Variants in DNAH14 observed in about 807,000 individuals in gnomAD.
DNAH14 encodes axonemal beta dynein heavy chain 14.
In DNAH14, 478 loss-of-function variants were observed where a neutral mutation model predicts 520.9. That is an observed-to-expected ratio of 0.92 (90% confidence interval 0.85 to 0.99). DNAH14 has a LOEUF of 0.99. DNAH14 is among the 50% of genes least tolerant of loss of function. DNAH14 has a pLI of 0.00. For synonymous variants in DNAH14, 1,581 were observed against 1,757.2 expected (o/e 0.90, Z 2.51); for missense variants, 4,831 against 5,234.5 (o/e 0.92, Z 2.38).
intron 10 of DNAH14, among the ~76,000 whole-genome samples, chr1:225,019,290 A>G (rs962341954): frequency 3.9e-5 from 6 of 152,220 alleles, no homozygotes; most frequent in Non-Finnish European, 8.8e-5. Context: ...ATCAGCTAAA[A>G]CAGACCTTAA....
intron 19 of DNAH14, among the ~76,000 whole-genome samples, chr1:225,081,971 AT>A (rs2073171612): frequency 6.6e-6 from 1 of 152,184 alleles, no homozygotes; most frequent in South Asian, 2.1e-4. Context: ...ATTTACCAAA[AT>A]TTAAAAAACC....
intron 8 of DNAH14, among the ~76,000 whole-genome samples, chr1:224,986,009 C>T (rs1322934568): frequency 6.6e-6 from 1 of 151,910 alleles, no homozygotes; most frequent in Non-Finnish European, 1.5e-5. Context: ...TAACAGAGAA[C>T]TTCCCAAACC....
intron 66 of DNAH14, among the ~76,000 whole-genome samples, chr1:225,335,934 TATATAC>T (rs1269437960): frequency 8.2e-6 from 1 of 121,436 alleles, no homozygotes; most frequent in Admixed American, 8.6e-5. Flanking sequence ...CATATACCTA[TATATAC>T]ATATATGTAT....
chr1:224,979,954 C>G (rs1253642853), intron 8 of DNAH14, among the ~76,000 whole-genome samples: 2 of 152,168 alleles, frequency 1.3e-5, no homozygotes, highest in African/African-American at 4.8e-5. Context: ...AATCTGCTGA[C>G]TAAAGAGCCC....
At chr1:225,363,953 A>G (rs892709419) in intron 75 of DNAH14, among the ~76,000 whole-genome samples, 4 of 152,144 alleles carry the variant, frequency 2.6e-5, no homozygotes, top group Non-Finnish European at 5.9e-5. Flanking sequence ...AATATTTTCA[A>G]TGTGAGGCTG....
intron 77 of DNAH14, among the ~76,000 whole-genome samples, chr1:225,372,392 G>A (rs1377130388): frequency 6.6e-6 from 1 of 152,046 alleles, no homozygotes; most frequent in Non-Finnish European, 1.5e-5. Context: ...ACAATAAATC[G>A]GTGGGACATA....
At chr1:225,138,226 C>G (rs531044940) in intron 27 of DNAH14, among the ~76,000 whole-genome samples, 16 of 152,116 alleles carry the variant, frequency 1.1e-4, no homozygotes, top group Non-Finnish European at 2.2e-4. Context: ...CTGGCAAGGC[C>G]ACAGCATTGC....
chr1:225,347,605 C>T (rs941850717), intron 71 of DNAH14, among the ~76,000 whole-genome samples: 2 of 152,088 alleles, frequency 1.3e-5, no homozygotes, highest in African/African-American at 4.8e-5. Flanking sequence ...CACTAAAATC[C>T]AGATGCAAGC....
chr1:225,117,861 C>T lies in DNAH14; in HGVS notation c.3973-20C>T. 2 of 1,522,638 alleles carry T rather than the reference C, an allele frequency of 1.3e-6. No homozygotes were observed. Among genetic ancestry groups the T allele is most frequent in the African/African-American group, 1.4e-5 (1 of 72,320 alleles). 94.3% of individuals were successfully genotyped at this position (1,522,638 alleles called of 1,614,324 possible). On this transcript the variant is annotated intron_variant, in intron 24 of 85. Coordinates refer to ENST00000682510, the MANE Select transcript of DNAH14 (RefSeq NM_001367479.1). The stretch of plus-strand genomic sequence containing the variant: ...GATCACAATTCAATAATATTACTGA[C>T]ATTTGTTTCTGGTTCACAGCCTCAT...
At chr1:224,952,115 A>G (rs1332166614) in intron 1 of DNAH14, among the ~76,000 whole-genome samples, 1 of 152,174 alleles carries the variant, frequency 6.6e-6, no homozygotes. Flanking sequence ...GTAGCACATC[A>G]ACTTTATTTA....
At chr1:225,278,407 C>G (rs969214935) in intron 54 of DNAH14, among the ~76,000 whole-genome samples, 1 of 152,134 alleles carries the variant, frequency 6.6e-6, no homozygotes, top group East Asian at 1.9e-4. Flanking sequence ...CTGCATATTT[C>G]TCTGCATCTC....
At chr1:225,062,957 T>C (rs1011744698) in intron 17 of DNAH14, among the ~76,000 whole-genome samples, 11 of 152,048 alleles carry the variant, frequency 7.2e-5, no homozygotes, top group Admixed American at 7.2e-4. Flanking sequence ...CAGAAATTAC[T>C]AAATATGCCC....
chr1:225,273,235 A>G, intron 52 of DNAH14, 110 bp downstream of exon 52: 2 of 1,189,318 alleles, frequency 1.7e-6, no homozygotes, highest in South Asian at 1.7e-5. Flanking sequence ...GATTGAGACC[A>G]TCCTGGCTAA....
chr1:225,213,752 G>C (rs2088828756), intron 41 of DNAH14, among the ~76,000 whole-genome samples: 1 of 152,126 alleles, frequency 6.6e-6, no homozygotes, highest in African/African-American at 2.4e-5. Flanking sequence ...TTTGCATATT[G>C]ATTTTGTATT....
chr1:224,998,292 TA>T (rs2063526384), intron 8 of DNAH14, among the ~76,000 whole-genome samples: 1 of 152,162 alleles, frequency 6.6e-6, no homozygotes, highest in Non-Finnish European at 1.5e-5. Context: ...TTTCTGCTCC[TA>T]TCATAATTTC....
chr1:224,947,963 C>A (rs189409434), intron 1 of DNAH14, among the ~76,000 whole-genome samples: 16 of 152,006 alleles, frequency 1.1e-4, no homozygotes, highest in Admixed American at 9.8e-4. Flanking sequence ...GGTTGATTTT[C>A]AAACTATGCC....
chr1:225,328,904 C>A (rs1442082531), intron 64 of DNAH14, among the ~76,000 whole-genome samples: 2 of 151,928 alleles, frequency 1.3e-5, no homozygotes, highest in Non-Finnish European at 2.9e-5. Flanking sequence ...TATGGGTGAT[C>A]CAGGAATAAA....
intron 77 of DNAH14, among the ~76,000 whole-genome samples, chr1:225,370,887 T>A (rs1262248906): frequency 6.6e-6 from 1 of 152,110 alleles, no homozygotes; most frequent in African/African-American, 2.4e-5. Flanking sequence ...ATAAGACAAA[T>A]AAAATTTGAA....
At chr1:224,978,928 A>T (rs1315156738) in intron 8 of DNAH14, among the ~76,000 whole-genome samples, 2 of 152,208 alleles carry the variant, frequency 1.3e-5, no homozygotes, top group Non-Finnish European at 2.9e-5. Flanking sequence ...GGCAATGGTC[A>T]CTGTGGCTGA....
Sources: gnomAD v4.1 joint callset for allele counts (sites outside exome capture counted in the v4.1 genomes callset) on GRCh38, gnomAD v4.1.1 for gene constraint, MANE v1.5 for transcripts, NCBI Gene and HGNC (gene_info 2026-07-23, HGNC 2026-07-21) for gene names.